Variants in ST6GAL1 observed in about 807,000 individuals in gnomAD.
ST6GAL1 encodes the protein ST6 beta-galactoside alpha-2,6-sialyltransferase 1.
ST6GAL1 carries 20 observed loss-of-function variants against 38.0 expected under a neutral mutation model. The observed-to-expected ratio is 0.53, with a 90% confidence interval of 0.37 to 0.77. ST6GAL1 has a LOEUF of 0.77. Among genes scored for constraint, ST6GAL1 ranks in the 30% least tolerant of loss-of-function variants. The probability of loss-of-function intolerance (pLI) is 0.00; values close to 1 mark genes in which losing one functional copy is unlikely to be tolerated. For missense variants in ST6GAL1, 432 were observed against 496.4 expected, an observed-to-expected ratio of 0.87 and a Z score of 1.23; for synonymous variants, 196 against 188.2, an observed-to-expected ratio of 1.04 and a Z score of -0.34.
intron 2 of ST6GAL1, among the ~76,000 whole-genome samples, chr3:187,037,853 A>T (rs1717982019): frequency 8.4e-6 from 1 of 119,210 alleles, no homozygotes; most frequent in African/African-American, 3.9e-5. Context: ...TAAAAGATGA[A>T]AACATCTATT....
chr3:186,973,698 C>G (rs1241719362), intron 2 of ST6GAL1, among the ~76,000 whole-genome samples: 1 of 152,086 alleles, frequency 6.6e-6, no homozygotes, highest in African/African-American at 2.4e-5. Flanking sequence ...AGTGTTGGCT[C>G]CCTCTCCTAA....
chr3:187,072,382 TGGCTGTGTTGGACTTC>T (rs1386329823), intron 5 of ST6GAL1: 23 of 166,234 alleles, frequency 1.4e-4, no homozygotes, highest in African/African-American at 5.3e-4. Flanking sequence ...TGGACTGTGT[TGGCTGTGTTGGACTTC>T]GTGAGAGAGC....
intron 2 of ST6GAL1, among the ~76,000 whole-genome samples, chr3:186,968,074 G>C (rs1715211723): frequency 6.6e-6 from 1 of 152,176 alleles, no homozygotes; most frequent in Non-Finnish European, 1.5e-5. Flanking sequence ...TCTTGCTTAG[G>C]CCGGGGAGTT....
In ST6GAL1 at chr3:186,940,296, TTTA is replaced by T. The variant is rs146569674; in HGVS notation, c.-325+9463_-325+9465del. 9.0e-3 allele frequency among the ~76,000 whole-genome samples: 1,374 copies of T among 152,336 alleles called. 24 individuals carry two copies. The highest frequency in any genetic ancestry group is 0.032 in the African/African-American group (1,336 of 41,572). ...AAATAATAAATGAAATGGTTTTTTTTTTAGAGTATTCAAATGGGGTAAAAAATT... is the reference window on the plus strand; with the variant it reads ...AAATAATAAATGAAATGGTTTTTTTTGAGTATTCAAATGGGGTAAAAAATT... On this transcript the variant is annotated intron_variant, in intron 1 of 7. Transcript: ENST00000169298.
At chr3:186,944,058 G>A (rs1046536461) in intron 1 of ST6GAL1, among the ~76,000 whole-genome samples, 2 of 152,196 alleles carry the variant, frequency 1.3e-5, no homozygotes, top group Admixed American at 1.3e-4. Context: ...GTCTGATGTT[G>A]ACAGGTTTTC....
intron 5 of ST6GAL1, among the ~76,000 whole-genome samples, chr3:187,058,886 C>T (rs1718813282): frequency 6.6e-6 from 1 of 152,086 alleles, no homozygotes; most frequent in Non-Finnish European, 1.5e-5. Flanking sequence ...AAGTAACCAC[C>T]CACCTTGGCC....
chr3:187,049,511 A>G (rs554404466), intron 4 of ST6GAL1, among the ~76,000 whole-genome samples: 1 of 152,300 alleles, frequency 6.6e-6, no homozygotes, highest in Admixed American at 6.5e-5. Flanking sequence ...GAGGTTGGCA[A>G]TAGCTGTGTT....
At chr3:186,971,039 C>T (rs1372689007) in intron 2 of ST6GAL1, among the ~76,000 whole-genome samples, 2 of 152,256 alleles carry the variant, frequency 1.3e-5, no homozygotes, top group East Asian at 3.8e-4. Context: ...TAATCCACTT[C>T]CTCCACATGC....
intron 5 of ST6GAL1, among the ~76,000 whole-genome samples, chr3:187,058,169 G>A (rs1439376657): frequency 6.6e-6 from 1 of 152,150 alleles, no homozygotes; most frequent in East Asian, 1.9e-4. Flanking sequence ...TGTTTGGGCG[G>A]GAGTGTCCCA....
At chr3:187,049,625 A>T (rs1175753351) in intron 4 of ST6GAL1, among the ~76,000 whole-genome samples, 1 of 152,224 alleles carries the variant, frequency 6.6e-6, no homozygotes, top group Non-Finnish European at 1.5e-5. Context: ...CCCTGCAGTC[A>T]TCAACCCTGG....
chr3:186,997,342 A>G (rs535770136), intron 2 of ST6GAL1, among the ~76,000 whole-genome samples: 1 of 152,266 alleles, frequency 6.6e-6, no homozygotes, highest in African/African-American at 2.4e-5. Context: ...TCATCTAGTT[A>G]GTAATGGTGG....
chr3:187,024,493 T>TATAG (rs1275438498), intron 2 of ST6GAL1, among the ~76,000 whole-genome samples: 75 of 85,798 alleles, frequency 8.7e-4, no homozygotes, highest in Non-Finnish European at 1.2e-3. Flanking sequence ...TATATATATA[T>TATAG]AGAGAGAGAG....
intron 2 of ST6GAL1, among the ~76,000 whole-genome samples, chr3:186,974,469 A>G (rs1420880020): frequency 6.6e-6 from 1 of 152,134 alleles, no homozygotes; most frequent in Non-Finnish European, 1.5e-5. Flanking sequence ...AGACAACTTT[A>G]TTGAGGTACA....
chr3:187,001,997 G>GTA (rs1716636531), intron 2 of ST6GAL1, among the ~76,000 whole-genome samples: 1 of 150,758 alleles, frequency 6.6e-6, no homozygotes, highest in Non-Finnish European at 1.5e-5. Flanking sequence ...AACAAACAAT[G>GTA]TTTTTAGCTT....
At chr3:187,021,799 A>AAGAAATGC (rs1036881997) in intron 2 of ST6GAL1, 1 of 150,648 alleles carries the variant, frequency 6.6e-6, no homozygotes, top group African/African-American at 2.4e-5. Context: ...GCCCTGGGGG[A>AAGAAATGC]AGAAATGCTG....
chr3:186,944,359 G>T lies in ST6GAL1; in HGVS notation c.-325+13525G>T, dbSNP rs151052100. Among the ~76,000 whole-genome samples, 4 of 152,230 alleles carry T rather than the reference G, an allele frequency of 2.6e-5. No homozygotes were observed. In the East Asian group the frequency reaches 7.7e-4, roughly 29 times the overall value. The stretch of plus-strand genomic sequence containing the variant: ...TGAGTAGGAGTTGGGAAGGTGGAGG[G>T]CATAACATATGAGCAAAATTATTGT... On this transcript the variant is annotated intron_variant, in intron 1 of 7. Coordinates refer to ENST00000169298, the MANE Select transcript of ST6GAL1 (RefSeq NM_173216.2).
chr3:186,942,011 CA>C (rs550968645), intron 1 of ST6GAL1, among the ~76,000 whole-genome samples: 6,562 of 126,532 alleles, frequency 0.052, 370 homozygotes, highest in African/African-American at 0.16. Context: ...GACTCCGTCT[CA>C]AAAAAAAAAA....
chr3:187,051,994 C>A (rs1296190448), intron 5 of ST6GAL1, among the ~76,000 whole-genome samples: 1 of 152,134 alleles, frequency 6.6e-6, no homozygotes, highest in Non-Finnish European at 1.5e-5. Context: ...AGGGCTGCAA[C>A]CTGCCCATCT....
At chr3:187,004,146 A>G (rs183558274) in intron 2 of ST6GAL1, among the ~76,000 whole-genome samples, 1 of 152,298 alleles carries the variant, frequency 6.6e-6, no homozygotes, top group East Asian at 1.9e-4. Flanking sequence ...TGCTTTCGCC[A>G]TGTGATGTGC....
Sources: gnomAD v4.1 joint callset for allele counts (sites outside exome capture counted in the v4.1 genomes callset) on GRCh38, gnomAD v4.1.1 for gene constraint, MANE v1.5 for transcripts, NCBI Gene and HGNC (gene_info 2026-07-23, HGNC 2026-07-21) for gene names.